Variants in CNTN6 observed in about 807,000 individuals in gnomAD.
CNTN6 encodes contactin-6.
In CNTN6, 137 loss-of-function variants were observed where a neutral mutation model predicts 122.8. That is an observed-to-expected ratio of 1.12 (90% confidence interval 0.97 to 1.29). The LOEUF (loss-of-function observed/expected upper bound fraction) is 1.29. Among genes scored for constraint, CNTN6 ranks in the 50% most tolerant of loss-of-function variants. CNTN6 has a pLI of 0.00. For missense variants in CNTN6, 1,634 were observed against 1,223.4 expected (o/e 1.34, Z -5.01); for synonymous variants, 570 against 426.0 (o/e 1.34, Z -4.16).
At chr3:1,216,464 C>T (rs1180304226) in intron 2 of CNTN6, among the ~76,000 whole-genome samples, 1 of 151,814 alleles carries the variant, frequency 6.6e-6, no homozygotes, top group Non-Finnish European at 1.5e-5. Context: ...TTGTTAATTT[C>T]TGTTTGTCTG....
rs960510453 is a variant in CNTN6, at chr3:1,180,736, T to C, written c.55+32673T>C. ...ATTGTATGAGAGGTTTGGGAGTGAA[T>C]AGTAGCTCTGCTGCCTCTCAGTCCC... On this transcript the variant is annotated intron_variant, in intron 2 of 22. Coordinates refer to ENST00000446702, the MANE Select transcript of CNTN6 (RefSeq NM_001289080.2). Among the ~76,000 whole-genome samples, 4 of 152,326 alleles carry C rather than the reference T, an allele frequency of 2.6e-5. No homozygotes were observed. In the South Asian group the frequency reaches 8.3e-4, roughly 32 times the overall value.
intron 2 of CNTN6, among the ~76,000 whole-genome samples, chr3:1,176,680 A>G (rs2093455730): frequency 1.3e-5 from 2 of 152,238 alleles, no homozygotes; most frequent in African/African-American, 4.8e-5. Context: ...CTACAACTTT[A>G]GTTGAACTAT....
intron 5 of CNTN6, among the ~76,000 whole-genome samples, chr3:1,282,189 T>C (rs1418395620): frequency 6.6e-6 from 1 of 152,130 alleles, no homozygotes; most frequent in Non-Finnish European, 1.5e-5. Flanking sequence ...AATAAACAGG[T>C]ACTTTTATAG....
At chr3:1,383,235 G>C (rs9682008) in intron 18 of CNTN6, 58 bp from the exon 19 acceptor site, 4 of 1,596,580 alleles carry the variant, frequency 2.5e-6, no homozygotes, top group Admixed American at 1.7e-5. Context: ...GTGTTCCCTT[G>C]TTCCATTTTC....
intron 1 of CNTN6, among the ~76,000 whole-genome samples, chr3:1,124,792 A>G (rs966847896): frequency 6.6e-6 from 1 of 151,882 alleles, no homozygotes; most frequent in African/African-American, 2.4e-5. Context: ...TCCTCCATGA[A>G]GATTTTCTGA....
intron 9 of CNTN6, 30 bp from the exon 10 acceptor site, chr3:1,327,427 A>C: frequency 6.2e-7 from 1 of 1,602,284 alleles, no homozygotes; most frequent in Non-Finnish European, 8.5e-7. Context: ...TTAACGTACA[A>C]GCATCTTTAT....
chr3:1,303,466 G>A (rs547541601), intron 7 of CNTN6, among the ~76,000 whole-genome samples: 18 of 152,270 alleles, frequency 1.2e-4, no homozygotes, highest in African/African-American at 3.9e-4. Context: ...GGTATCAGAG[G>A]TTAAATTTTA....
At chr3:1,160,083 T>C (rs1322339492) in intron 2 of CNTN6, among the ~76,000 whole-genome samples, 1 of 152,082 alleles carries the variant, frequency 6.6e-6, no homozygotes, top group African/African-American at 2.4e-5. Flanking sequence ...CCTCCCAAAG[T>C]GCTGGGATTA....
At chr3:1,228,078 C>A in intron 4 of CNTN6, 85 bp downstream of exon 4, 1 of 1,311,804 alleles carries the variant, frequency 7.6e-7, no homozygotes, top group Non-Finnish European at 1.1e-6. Flanking sequence ...CTAGCTTTGC[C>A]AATGATATAT....
At chr3:1,119,765 T>C (rs2125055247) in intron 1 of CNTN6, among the ~76,000 whole-genome samples, 1 of 152,196 alleles carries the variant, frequency 6.6e-6, no homozygotes, top group African/African-American at 2.4e-5. Flanking sequence ...GCACACATTT[T>C]ATGGGTCCAG....
chr3:1,182,146 A>G (rs2093564230), intron 2 of CNTN6, among the ~76,000 whole-genome samples: 1 of 151,948 alleles, frequency 6.6e-6, no homozygotes, highest in Admixed American at 6.6e-5. Context: ...ATTTTCAGCT[A>G]CTCTTCTAAA....
At chr3:1,143,478 G>A (rs1308028639) in intron 1 of CNTN6, among the ~76,000 whole-genome samples, 1 of 152,028 alleles carries the variant, frequency 6.6e-6, no homozygotes, top group African/African-American at 2.4e-5. Flanking sequence ...ACACCATTTT[G>A]CCTCAAGTGA....
At position 1,301,024 on chromosome 3, in the gene CNTN6, C is replaced by CTT. The variant is rs562912841; in HGVS notation, c.761+3062_761+3063dup. Among the ~76,000 whole-genome samples, 161 of 93,272 alleles carry CTT rather than the reference C, an allele frequency of 1.7e-3. 13 individuals are homozygous for CTT. Among genetic ancestry groups the CTT allele is most frequent in the African/African-American group, 5.2e-3 (121 of 23,114 alleles). 61.2% of individuals were successfully genotyped at this position (93,272 alleles called of 152,430 possible). On this transcript the variant is annotated intron_variant, in intron 7 of 22. Coordinates refer to ENST00000446702, the MANE Select transcript of CNTN6 (RefSeq NM_001289080.2). ...AATTTATAATACAGGAGTCCCTAAACTTTTTTTTTTTTTTTTTTTTTTTTT... is the reference window on the plus strand; with the variant it reads ...AATTTATAATACAGGAGTCCCTAAACTTTTTTTTTTTTTTTTTTTTTTTTTTT...
chr3:1,214,159 T>A (rs2094091420), intron 2 of CNTN6, among the ~76,000 whole-genome samples: 2 of 152,086 alleles, frequency 1.3e-5, no homozygotes, highest in Admixed American at 1.3e-4. Context: ...ATTCTCAAGA[T>A]CTGCATATTG....
At chr3:1,146,509 C>T (rs1196925843) in intron 1 of CNTN6, among the ~76,000 whole-genome samples, 1 of 152,082 alleles carries the variant, frequency 6.6e-6, no homozygotes, top group Non-Finnish European at 1.5e-5. Context: ...CTAAAAAATG[C>T]TAACTGAATT....
chr3:1,352,539 T>C, intron 12 of CNTN6, 88 bp downstream of exon 12: 3 of 1,471,364 alleles, frequency 2.0e-6, no homozygotes, highest in Non-Finnish European at 2.8e-6. Flanking sequence ...ACCTGTACCA[T>C]ATTGTGTATG....
At chr3:1,168,345 A>C (rs1007378826) in intron 2 of CNTN6, among the ~76,000 whole-genome samples, 1 of 149,638 alleles carries the variant, frequency 6.7e-6, no homozygotes, top group Non-Finnish European at 1.5e-5. Context: ...CAGGGTGAGA[A>C]AGGATGAGGT....
At chr3:1,142,968 G>GTGTATATATATATA (rs1217250181) in intron 1 of CNTN6, among the ~76,000 whole-genome samples, 9 of 128,654 alleles carry the variant, frequency 7.0e-5, no homozygotes, top group African/African-American at 2.2e-4. Flanking sequence ...GTGTGTGTGT[G>GTGTATATATATATA]TATATATATA....
chr3:1,217,047 T>C (rs149101468), intron 2 of CNTN6, among the ~76,000 whole-genome samples: 1 of 152,206 alleles, frequency 6.6e-6, no homozygotes, highest in South Asian at 2.1e-4. Context: ...ATGTGACATA[T>C]TTTATAAACA....
Sources: gnomAD v4.1 joint callset for allele counts (sites outside exome capture counted in the v4.1 genomes callset) on GRCh38, gnomAD v4.1.1 for gene constraint, MANE v1.5 for transcripts, NCBI Gene and HGNC (gene_info 2026-07-23, HGNC 2026-07-21) for gene names.